The following MAP4 variants were observed in gnomAD, a reference collection of about 807,000 sequenced individuals.
MAP4 encodes the protein microtubule associated protein 4, also known as microtubule-associated protein 4.
Under a neutral mutation model 170.2 loss-of-function variants are expected in MAP4, and 76 were observed. That is an observed-to-expected ratio of 0.45 (90% CI 0.37 to 0.54). The LOEUF is 0.54. MAP4 is among the 20% of genes least tolerant of loss of function. MAP4 has a pLI of 0.00. For missense variants in MAP4, 2,506 were observed against 2,748.0 expected, an observed-to-expected ratio of 0.91 and a Z score of 1.97; for synonymous variants, 909 against 994.5, an observed-to-expected ratio of 0.91 and a Z score of 1.62.
chr3:47,979,079 T>C (rs1559681662), intron 2 of MAP4, among the ~76,000 whole-genome samples: 1 of 152,086 alleles, frequency 6.6e-6, no homozygotes, highest in African/African-American at 2.4e-5. Context: ...TTTTTCCCCA[T>C]GTTTTCTTCT....
intron 3 of MAP4, among the ~76,000 whole-genome samples, chr3:47,949,627 G>C (rs1246451719): frequency 6.6e-6 from 1 of 152,102 alleles, no homozygotes; most frequent in Admixed American, 6.6e-5. Flanking sequence ...TTCCATTCTA[G>C]GCATAGGTTA....
chr3:47,907,193 C>T (rs1353307582), intron 9 of MAP4, among the ~76,000 whole-genome samples: 1 of 152,116 alleles, frequency 6.6e-6, no homozygotes, highest in Non-Finnish European at 1.5e-5. Context: ...GAATAGCACA[C>T]ATCAGTATGT....
Position 47,909,353 on chromosome 3 carries a change from G to A in MAP4, c.5068C>T (p.Pro1690Ser). The A allele has an allele frequency of 6.2e-7, 1 of 1,613,924 alleles. No individual in the cohort carries two copies. The highest frequency in any genetic ancestry group is 8.5e-7 in the Non-Finnish European group (1 of 1,179,846). Residue 1690 changes from proline to serine, a missense_variant, in exon 9 of 21, where the codon CCA becomes TCA. Coordinates refer to ENST00000683076, the MANE Select transcript of MAP4 (RefSeq NM_001385682.1). ...TGTAAGAAATCTGACTGGATTTCTG[G>A]TGTTGGCAAGGAAACGCTTTCCAAT... ...TELESVSLPT[P>S]EIQSDFLHSK...
At chr3:48,085,858 C>T (rs558094521) in intron 1 of MAP4, among the ~76,000 whole-genome samples, 2 of 152,116 alleles carry the variant, frequency 1.3e-5, no homozygotes, top group African/African-American at 2.4e-5. Context: ...AGATAGAGAC[C>T]ACCCTAACAC....
In MAP4 at chr3:47,869,270, C is replaced by A; in HGVS notation, c.6352G>T (p.Ala2118Ser). Reference sequence around the variant, plus strand: ...ATTGGGCCGGCTGTTTTAGTGACTGCATTAGATTCAGGCTTTCGGGTTGTA... The same window carrying A: ...ATTGGGCCGGCTGTTTTAGTGACTGAATTAGATTCAGGCTTTCGGGTTGTA... ...AATTRKPESNAVTKTAGPIAS... is the reference protein window; with the variant it reads ...AATTRKPESNSVTKTAGPIAS... The change falls in exon 16 of 21, where the codon GCA becomes TCA. Residue 2118 changes from alanine to serine, a missense_variant. By Grantham distance (99) the Ala-to-Ser change is moderately conservative (BLOSUM62 1). This residue lies in a region of MAP4 where 487 missense variants were observed against 511.6 expected (regional missense o/e 0.95). Transcript: ENST00000683076. 9 of 1,614,174 alleles carry A rather than the reference C, an allele frequency of 5.6e-6. No individual in the cohort carries two copies. The highest frequency in any genetic ancestry group is 7.6e-6 in the Non-Finnish European group (9 of 1,180,010).
At chr3:47,908,282 T>C (rs1189285385) in intron 9 of MAP4, among the ~76,000 whole-genome samples, 1 of 152,186 alleles carries the variant, frequency 6.6e-6, no homozygotes, top group Non-Finnish European at 1.5e-5. Flanking sequence ...CTCATTCCAA[T>C]TACTTGACTG....
intron 1 of MAP4, 61 bp from the exon 2 acceptor site, chr3:47,998,940 GA>G: frequency 1.1e-6 from 1 of 928,996 alleles, no homozygotes; most frequent in East Asian, 2.4e-5. Context: ...AACATTTCTA[GA>G]AACTCTTGTC....
chr3:47,903,235 A>G (rs2100031082), intron 9 of MAP4, among the ~76,000 whole-genome samples: 1 of 152,276 alleles, frequency 6.6e-6, no homozygotes, highest in East Asian at 1.9e-4. Flanking sequence ...ACACAATCCC[A>G]TAAGAAGTCC....
intron 16 of MAP4, among the ~76,000 whole-genome samples, chr3:47,868,365 A>T (rs866325800): frequency 3.3e-5 from 5 of 152,314 alleles, no homozygotes; most frequent in Admixed American, 6.5e-5. Context: ...AGCCTTTTTC[A>T]CAACTTTGAT....
At chr3:48,035,570 G>A (rs889217343) in intron 1 of MAP4, among the ~76,000 whole-genome samples, 6 of 152,008 alleles carry the variant, frequency 3.9e-5, no homozygotes, top group African/African-American at 1.5e-4. Context: ...GGAGGTTGAG[G>A]CTGCAGTGAG....
chr3:47,986,196 C>G (rs2154318361), intron 2 of MAP4, among the ~76,000 whole-genome samples: 1 of 152,138 alleles, frequency 6.6e-6, no homozygotes, highest in South Asian at 2.1e-4. Context: ...CCAGGCTGGA[C>G]TCAAACTCCT....
intron 2 of MAP4, among the ~76,000 whole-genome samples, chr3:47,981,257 C>T (rs890470279): frequency 6.6e-6 from 1 of 151,992 alleles, no homozygotes; most frequent in African/African-American, 2.4e-5. Context: ...TATCTAATAG[C>T]TAAATATAGA....
chr3:47,959,779 A>G (rs2100070387), intron 3 of MAP4, among the ~76,000 whole-genome samples: 2 of 151,748 alleles, frequency 1.3e-5, no homozygotes, highest in Admixed American at 1.3e-4. Context: ...AAAAAAATGT[A>G]TATACATGAA....
rs1559765062 is a variant in MAP4, at chr3:47,855,287, G to A, written c.6657C>T (p.Leu2219=). 1 of 1,613,978 alleles carries A rather than the reference G, an allele frequency of 6.2e-7. No homozygotes were observed. Among genetic ancestry groups the A allele is most frequent in the Non-Finnish European group, 8.5e-7 (1 of 1,179,964 alleles). The change falls in exon 19 of 21, where the codon CTC becomes CTT. Residue 2219 remains leucine, a synonymous_variant. Transcript: ENST00000683076. This position sits in a 1 kb window ranked among gnomAD's most constrained non-coding sequence, Gnocchi z 5.1. ...KEKAQAKVGS[L]DNVGHLPAGG... is the part of the protein sequence containing the mutation. Reference sequence around the variant, plus strand: ...CTGCAGGTAGGTGGCCCACATTATCGAGGGATCCCACCTTGGCCTGGGCCT... The same window carrying A: ...CTGCAGGTAGGTGGCCCACATTATCAAGGGATCCCACCTTGGCCTGGGCCT...
chr3:47,985,117 C>T (rs6766675), intron 2 of MAP4, among the ~76,000 whole-genome samples: 149,074 of 152,076 alleles, frequency 0.98, 73,133 homozygotes, highest in East Asian at 1. Flanking sequence ...CCATCTCTAC[C>T]AAAAATACAA....
In MAP4 at chr3:48,062,618, A is replaced by T. The variant is rs575252301; in HGVS notation, c.-20+26155T>A. Among the ~76,000 whole-genome samples, 12 of 151,214 alleles carry T rather than the reference A, an allele frequency of 7.9e-5. No individual in the cohort carries two copies. In the South Asian group the frequency reaches 8.3e-4, roughly 10 times the overall value. ...AAATTTAAAAAATTAAAAATAAATT[A>T]AAAAAAAGAAAATGAACAATGTGGC... On this transcript the variant is annotated intron_variant, in intron 1 of 18. Coordinates refer to the MAP4 transcript ENST00000360240.
intron 1 of MAP4, among the ~76,000 whole-genome samples, chr3:48,022,379 C>G (rs1007322633): frequency 2.0e-5 from 3 of 152,082 alleles, no homozygotes; most frequent in Non-Finnish European, 4.4e-5. Flanking sequence ...ACAGCCTCGG[C>G]AAGGTGGCAA....
chr3:47,910,041 G>C lies in MAP4; in HGVS notation c.4380C>G (p.Thr1460=), dbSNP rs536666295. The change falls in exon 9 of 21, where the codon ACC becomes ACG. Residue 1460 remains threonine (T), a synonymous_variant. Transcript: ENST00000683076. ...VVKEGDSFPD[T]LAKNGQEIAP... The stretch of plus-strand genomic sequence containing the variant: ...CTATCTCTTGCCCATTTTTTGCCAA[G>C]GTATCTGGAAAGGAATCACCTTCCT... 4 of 1,613,944 alleles carry C rather than the reference G, an allele frequency of 2.5e-6. No individual in the cohort carries two copies. In the South Asian group the frequency reaches 4.4e-5, roughly 18 times the overall value.
At chr3:47,936,111 A>C (rs769087189) in intron 3 of MAP4, among the ~76,000 whole-genome samples, 3 of 151,436 alleles carry the variant, frequency 2.0e-5, no homozygotes, top group Non-Finnish European at 4.4e-5. Flanking sequence ...GAGAAAGAGG[A>C]GGGTGGGAGA....
Sources: allele counts gnomAD v4.1 joint callset (sites outside exome capture counted in the v4.1 genomes callset), GRCh38; gene constraint gnomAD v4.1.1; regional missense constraint gnomAD v4.1.1; non-coding constraint Gnocchi (gnomAD v3.1); transcripts MANE v1.5; gene names NCBI Gene and HGNC (gene_info 2026-07-23, HGNC 2026-07-21).